DOP1B: variants seen among roughly 807,000 people sequenced by gnomAD.
The protein encoded by DOP1B is protein DOP1B.
DOP1B carries 174 observed loss-of-function variants against 233.5 expected under a neutral mutation model. The ratio of observed to expected loss-of-function variants is 0.75; its 90% CI spans 0.66 to 0.85. The LOEUF is 0.85. Ranked by LOEUF, DOP1B falls within the 40% of genes least tolerant of loss-of-function variation. DOP1B has a pLI of 0.00. For synonymous variants in DOP1B, 1,190 were observed against 1,185.6 expected (o/e 1.00, Z -0.08); for missense variants, 2,652 against 2,846.6 (o/e 0.93, Z 1.56).
intron 32 of DOP1B, among the ~76,000 whole-genome samples, chr21:36,284,571 G>A (rs1159020729): frequency 1.3e-5 from 2 of 151,934 alleles, no homozygotes; most frequent in African/African-American, 2.4e-5. Flanking sequence ...GCCCAGCCCT[G>A]TTCCTTCTTT....
At chr21:36,205,786 C>T (rs2066419580) in intron 4 of DOP1B, among the ~76,000 whole-genome samples, 1 of 151,888 alleles carries the variant, frequency 6.6e-6, no homozygotes, top group South Asian at 2.1e-4. Flanking sequence ...CGGGGGGTTA[C>T]CTGAGCTCAG....
rs774266554 is a variant in DOP1B, at chr21:36,230,759, C to G, written c.1975C>G (p.Pro659Ala). The G allele has an allele frequency of 6.2e-7, 1 of 1,614,130 alleles. No homozygotes were observed. The highest frequency in any genetic ancestry group is 1.1e-5 in the South Asian group (1 of 91,078). ...ASGEESKSEEPAGKRDRDGTQ... is the reference protein window; with the variant it reads ...ASGEESKSEEAAGKRDRDGTQ... ...AGGAGAAGAAAGCAAGTCCGAGGAG[C>G]CTGCAGGGAAGAGGGACAGGGATGG... Residue 659 changes from proline (P) to alanine (A), a missense_variant, in exon 14 of 37, where the codon CCT (proline) becomes GCT (alanine). Physicochemically the swap from Pro to Ala is conservative, Grantham distance 27. Transcript: ENST00000691173.
chr21:36,214,692 C>A lies in DOP1B; in HGVS notation c.1129+136C>A, dbSNP rs561307798. On this transcript the variant is annotated intron_variant, in intron 9 of 36. Transcript: ENST00000691173. Reference sequence around the variant, plus strand: ...ATTTGGAATTTCACAACTTTGAAGTCATGTTATATGGTTCAATGATCATAT... The same window carrying A: ...ATTTGGAATTTCACAACTTTGAAGTAATGTTATATGGTTCAATGATCATAT... The A allele has an allele frequency of 6.0e-6, 5 of 831,246 alleles. No individual in the cohort carries two copies. In the East Asian group the frequency reaches 8.2e-5, roughly 14 times the overall value. The allele number at this position is 831,246 out of a possible 1,614,324, so 51.5% of individuals were successfully genotyped here. A position where few individuals can be genotyped will look rare whatever the true frequency, so the allele number is the denominator to read the frequency against.
chr21:36,238,473 T>C (rs2066852607), intron 16 of DOP1B, 128 bp from the exon 17 acceptor site: 3 of 726,144 alleles, frequency 4.1e-6, no homozygotes. Context: ...GAATGCAGCG[T>C]CTTTGCTGTG....
At position 36,238,716 on chromosome 21, in the gene DOP1B, G is replaced by A. The variant is rs370108503; in HGVS notation, c.2876+15G>A. On this transcript the variant is annotated intron_variant, in intron 17 of 36. Transcript: ENST00000691173. ...TCCTTTGATAGGTGAGGCGGCCTTC[G>A]TTATGATCTACCGTTAACTCACGAG... The A allele has an allele frequency of 1.1e-5, 18 of 1,613,066 alleles. No homozygotes were observed. The highest frequency in any genetic ancestry group is 1.6e-4 in the Middle Eastern group (1 of 6,080).
intron 18 of DOP1B, among the ~76,000 whole-genome samples, chr21:36,244,549 C>T (rs1213901372): frequency 5.3e-5 from 8 of 151,998 alleles, no homozygotes; most frequent in Non-Finnish European, 7.4e-5. Flanking sequence ...CTCAGCCTCC[C>T]GAGTAGCTGG....
chr21:36,223,527 T>A (rs1456349627), intron 11 of DOP1B, among the ~76,000 whole-genome samples, 177 bp downstream of exon 11: 1 of 152,218 alleles, frequency 6.6e-6, no homozygotes, highest in Non-Finnish European at 1.5e-5. Flanking sequence ...TCTAGCAGAA[T>A]AAAAACATCT....
chr21:36,211,592 C>G lies in DOP1B; in HGVS notation c.721C>G (p.Leu241Val), dbSNP rs1296361757. The change falls in exon 6 of 37, where the codon CTT becomes GTT. Residue 241 changes from leucine to valine, a missense_variant. By Grantham distance (32) the Leu-to-Val change is conservative. This residue lies in a region of DOP1B where 2,617 missense variants were observed against 2,794.3 expected (regional missense o/e 0.94). Coordinates refer to ENST00000691173, the MANE Select transcript of DOP1B (RefSeq NM_001320714.2). ...LRASLLDSNV[L>V]VQRNNLEIVL... ...TGCCTCCCTGTTGGACTCAAATGTTCTTGTGCAAAGAAATAATCTGGAAAT... is the reference window on the plus strand; with the variant it reads ...TGCCTCCCTGTTGGACTCAAATGTTGTTGTGCAAAGAAATAATCTGGAAAT... 1 of 1,614,150 alleles carries G rather than the reference C, an allele frequency of 6.2e-7. No homozygotes were observed. Among genetic ancestry groups the G allele is most frequent in the East Asian group, 2.2e-5 (1 of 44,884 alleles).
intron 17 of DOP1B, among the ~76,000 whole-genome samples, 159 bp downstream of exon 17, chr21:36,238,860 T>C (rs963687710): frequency 1.3e-5 from 2 of 152,160 alleles, no homozygotes; most frequent in Middle Eastern, 3.2e-3. Flanking sequence ...CCCAGCCCTT[T>C]GGGAAGCCGA....
intron 9 of DOP1B, among the ~76,000 whole-genome samples, chr21:36,215,153 A>G (rs972626299): frequency 3.9e-5 from 6 of 152,162 alleles, no homozygotes; most frequent in Non-Finnish European, 7.4e-5. Context: ...TATTTTTTCA[A>G]TGTCATACTT....
At chr21:36,285,451 T>G (rs904332917) in intron 32 of DOP1B, among the ~76,000 whole-genome samples, 12 of 152,198 alleles carry the variant, frequency 7.9e-5, no homozygotes, top group Non-Finnish European at 1.2e-4. Flanking sequence ...AAAATAAGCC[T>G]TTTGCCCTGT....
intron 26 of DOP1B, among the ~76,000 whole-genome samples, chr21:36,267,778 C>G (rs891239789): frequency 2.6e-5 from 4 of 152,006 alleles, no homozygotes; most frequent in Non-Finnish European, 5.9e-5. Flanking sequence ...TACAGCTGGG[C>G]CACCAGGGGT....
chr21:36,178,278 C>G (rs1187940102), intron 2 of DOP1B, among the ~76,000 whole-genome samples: 1 of 152,032 alleles, frequency 6.6e-6, no homozygotes, highest in Non-Finnish European at 1.5e-5. Flanking sequence ...ATCACTTGAG[C>G]CCAGGAGTTT....
intron 2 of DOP1B, among the ~76,000 whole-genome samples, chr21:36,188,761 G>C (rs2066195802): frequency 6.6e-6 from 1 of 152,152 alleles, no homozygotes; most frequent in African/African-American, 2.4e-5. Flanking sequence ...AAGACATCTG[G>C]CATTCTGAAG....
intron 32 of DOP1B, among the ~76,000 whole-genome samples, chr21:36,284,265 CTTTTTT>C (rs71326667): frequency 4.0e-5 from 3 of 75,872 alleles, no homozygotes; most frequent in African/African-American, 5.8e-5. Flanking sequence ...TTCCTTCTTT[CTTTTTT>C]TTTTTTTTTT....
intron 4 of DOP1B, among the ~76,000 whole-genome samples, chr21:36,207,831 C>G (rs114959341): frequency 7.2e-5 from 11 of 152,252 alleles, no homozygotes; most frequent in Admixed American, 4.6e-4. Context: ...GAATGTGCCT[C>G]TGCTGTTTTA....
chr21:36,204,535 G>A (rs1225544813), intron 4 of DOP1B, among the ~76,000 whole-genome samples: 1 of 152,100 alleles, frequency 6.6e-6, no homozygotes, highest in Non-Finnish European at 1.5e-5. Context: ...CCAGGCTGGA[G>A]TACAGTGGCA....
At chr21:36,184,026 G>A (rs1056788941) in intron 2 of DOP1B, among the ~76,000 whole-genome samples, 1 of 151,666 alleles carries the variant, frequency 6.6e-6, no homozygotes, top group African/African-American at 2.4e-5. Context: ...ACCACGCCTG[G>A]TTAATTTTTG....
intron 2 of DOP1B, among the ~76,000 whole-genome samples, chr21:36,172,771 G>C (rs535800455): frequency 4.1e-4 from 63 of 151,814 alleles, no homozygotes; most frequent in Non-Finnish European, 4.0e-4. Flanking sequence ...TTTTTTTAAG[G>C]CTTTGGTGAT....
Sources: gnomAD v4.1 joint callset for allele counts (sites outside exome capture counted in the v4.1 genomes callset) on GRCh38, gnomAD v4.1.1 for gene constraint, gnomAD v4.1.1 regional missense constraint, MANE v1.5 for transcripts, NCBI Gene and HGNC (gene_info 2026-07-23, HGNC 2026-07-21) for gene names.